Variants in MICOS10 observed in about 807,000 individuals in gnomAD.
MICOS10 encodes the protein mitochondrial contact site and cristae organizing system subunit 10, also known as MICOS complex subunit MIC10.
Under a neutral mutation model 13.4 loss-of-function variants are expected in MICOS10, and 5 were observed. That is an observed-to-expected ratio of 0.37 (90% CI 0.20 to 0.78). The LOEUF is 0.78. MICOS10 is among the 30% of genes least tolerant of loss of function. The pLI is 0.47. For missense variants in MICOS10, 101 were observed against 94.6 expected (o/e 1.07, Z -0.28); for synonymous variants, 35 against 33.6 (o/e 1.04, Z -0.15).
chr1:19,619,654 G>A (rs915941697), intron 1 of MICOS10, among the ~76,000 whole-genome samples: 4 of 152,164 alleles, frequency 2.6e-5, no homozygotes, highest in African/African-American at 9.7e-5. Flanking sequence ...AATATCATCC[G>A]ATGAAATGTT....
chr1:19,601,250 T>G (rs895770556), intron 1 of MICOS10: 3 of 339,090 alleles, frequency 8.8e-6, no homozygotes, highest in African/African-American at 2.2e-5. Flanking sequence ...AGGCATTTAT[T>G]TATAAATACC....
intron 1 of MICOS10, among the ~76,000 whole-genome samples, chr1:19,614,252 CATT>C (rs1352125977): frequency 6.6e-6 from 1 of 151,562 alleles, no homozygotes; most frequent in East Asian, 1.9e-4. Context: ...TAAGTAGCAT[CATT>C]GTTTTATAAT....
chr1:19,619,145 T>G (rs2094894914), intron 1 of MICOS10, among the ~76,000 whole-genome samples: 1 of 152,202 alleles, frequency 6.6e-6, no homozygotes, highest in Non-Finnish European at 1.5e-5. Context: ...TCCTCTTCAG[T>G]GAGTTGTTCT....
intron 1 of MICOS10, among the ~76,000 whole-genome samples, chr1:19,610,742 C>T (rs914585636): frequency 2.0e-5 from 3 of 152,010 alleles, no homozygotes; most frequent in East Asian, 3.9e-4. Context: ...CAAGTTAGAA[C>T]AAACGTTTCT....
At chr1:19,605,341 T>C (rs2100257094) in intron 1 of MICOS10, among the ~76,000 whole-genome samples, 1 of 152,350 alleles carries the variant, frequency 6.6e-6, no homozygotes, top group Non-Finnish European at 1.5e-5. Context: ...TGTGCAATTA[T>C]CACAATCTAA....
intron 1 of MICOS10, among the ~76,000 whole-genome samples, chr1:19,620,442 A>G (rs2094899072): frequency 6.6e-6 from 1 of 152,256 alleles, no homozygotes; most frequent in South Asian, 2.1e-4. Flanking sequence ...AAACATTGCA[A>G]TTAAAAATCG....
chr1:19,621,636 C>T (rs891667348), intron 1 of MICOS10, among the ~76,000 whole-genome samples: 11 of 152,192 alleles, frequency 7.2e-5, no homozygotes, highest in African/African-American at 2.2e-4. Flanking sequence ...ATAGCTCAGC[C>T]TTTAGGAATT....
In MICOS10 at chr1:19,626,490, C is replaced by T; in HGVS notation, c.*89C>T. The T allele has an allele frequency of 7.1e-7, 1 of 1,407,248 alleles. No homozygotes were observed. 87.2% of individuals were successfully genotyped at this position (1,407,248 alleles called of 1,614,324 possible). The stretch of plus-strand genomic sequence containing the variant: ...AAGTGCCCTGGAGTAAGCTGCCATT[C>T]TTCTGTAACAATGTTATCAGTAATG... On this transcript the variant is annotated 3_prime_UTR_variant, in exon 4 of 4. Transcript: ENST00000322753.
chr1:19,597,061 C>A lies in MICOS10; in HGVS notation c.16C>A (p.Leu6Ile), dbSNP rs752011954. Residue 6 changes from leucine (L) to isoleucine (I), a missense_variant, in exon 1 of 4, where the codon CTC (leucine) becomes ATC (isoleucine). Coordinates refer to ENST00000322753, the MANE Select transcript of MICOS10 (RefSeq NM_001032363.4). Reference sequence around the variant, plus strand: ...GGTGGGGAACATGTCTGAGTCGGAGCTCGGCAGGAAGTGGGACCGGTGTCT... The same window carrying A: ...GGTGGGGAACATGTCTGAGTCGGAGATCGGCAGGAAGTGGGACCGGTGTCT... MSESE[L>I]GRKWDRCLAD... The A allele has an allele frequency of 6.3e-7, 1 of 1,592,670 alleles. No individual in the cohort carries two copies.
intron 1 of MICOS10, among the ~76,000 whole-genome samples, chr1:19,611,491 T>TTTTTTG (rs2094861236): frequency 7.6e-6 from 1 of 131,548 alleles, no homozygotes; most frequent in African/African-American, 2.7e-5. Flanking sequence ...TTTTTTTTTT[T>TTTTTTG]GAGACAGGGT....
intron 1 of MICOS10, among the ~76,000 whole-genome samples, chr1:19,601,575 TCA>T (rs2094815028): frequency 9.1e-6 from 1 of 109,750 alleles, no homozygotes. Context: ...AGACCCTTTC[TCA>T]AAAAAAAAAA....
chr1:19,600,942 G>A (rs2094811788), intron 1 of MICOS10: 1 of 1,289,346 alleles, frequency 7.8e-7, no homozygotes. Flanking sequence ...AAGACTGAAG[G>A]GAAGCCATGG....
chr1:19,622,307 T>G (rs530702765), intron 2 of MICOS10, among the ~76,000 whole-genome samples, 160 bp downstream of exon 2: 1 of 152,312 alleles, frequency 6.6e-6, no homozygotes, highest in South Asian at 2.1e-4. Flanking sequence ...AGATAAAGAA[T>G]GTGGACTTGA....
intron 1 of MICOS10, among the ~76,000 whole-genome samples, chr1:19,610,588 A>AG (rs2094856894): frequency 6.6e-6 from 1 of 151,750 alleles, no homozygotes; most frequent in Non-Finnish European, 1.5e-5. Context: ...TATATTTGGG[A>AG]GGAGTCGAAA....
At chr1:19,624,318 ACT>A (rs1462613243) in intron 3 of MICOS10, among the ~76,000 whole-genome samples, 2 of 150,934 alleles carry the variant, frequency 1.3e-5, no homozygotes, top group Non-Finnish European at 2.9e-5. Flanking sequence ...ATGGAGTATC[ACT>A]CTGCCACCAA....
In MICOS10 at chr1:19,629,425, T is replaced by C. The variant is rs2094931748; in HGVS notation, c.*3024T>C. The C allele has an allele frequency of 6.6e-6, 1 of 152,238 alleles. No homozygotes were observed. 9.4% of individuals were successfully genotyped at this position (152,238 alleles called of 1,614,324 possible). A position where few individuals can be genotyped will look rare whatever the true frequency, so the allele number is the denominator to read the frequency against. ...ATAATTTGGCCCAGAACAATATGTA[T>C]TTTGAGCTCATTTAGGTGAATGACT... On this transcript the variant is annotated 3_prime_UTR_variant, in exon 4 of 4. Transcript: ENST00000322753.
chr1:19,612,456 A>G (rs2094867234), intron 1 of MICOS10, among the ~76,000 whole-genome samples: 1 of 151,394 alleles, frequency 6.6e-6, no homozygotes, highest in African/African-American at 2.4e-5. Flanking sequence ...GGCGTGGTGG[A>G]TCATGTCTGT....
intron 2 of MICOS10, 85 bp downstream of exon 2, chr1:19,622,232 C>T (rs577177386): frequency 8.9e-7 from 1 of 1,124,474 alleles, no homozygotes; most frequent in South Asian, 1.5e-5. Flanking sequence ...ACATTGGAAC[C>T]CATCAATTTG....
At chr1:19,619,737 C>A (rs2094896635) in intron 1 of MICOS10, among the ~76,000 whole-genome samples, 3 of 152,216 alleles carry the variant, frequency 2.0e-5, no homozygotes, top group Admixed American at 2.0e-4. Flanking sequence ...GGGCACTAGG[C>A]ATGCATTAAA....
Sources: gnomAD v4.1 joint callset for allele counts (sites outside exome capture counted in the v4.1 genomes callset) on GRCh38, gnomAD v4.1.1 for gene constraint, MANE v1.5 for transcripts, NCBI Gene and HGNC (gene_info 2026-07-23, HGNC 2026-07-21) for gene names.